DLG1: variants seen among roughly 807,000 people sequenced by gnomAD.
DLG1 encodes discs large MAGUK scaffold protein 1, also known as disks large homolog 1.
A neutral mutation model predicts 123.4 loss-of-function variants in DLG1; 42 were observed. That is an observed-to-expected ratio of 0.34 (90% CI 0.27 to 0.44). DLG1 has a LOEUF of 0.44. Ranked by LOEUF, DLG1 falls within the 20% of genes least tolerant of loss-of-function variation. The pLI, the probability that DLG1 is intolerant of heterozygous loss-of-function variation, is 1.00. For synonymous variants in DLG1, 317 were observed against 356.2 expected (o/e 0.89, Z 1.24); for missense variants, 942 against 1,082.6 (o/e 0.87, Z 1.82).
At position 197,208,197 on chromosome 3, in the gene DLG1, C is replaced by A. The variant is rs1308379125; in HGVS notation, c.319-13608G>T. ...AGAGGATAAATGTAAATTAAAGCTA[C>A]GCTGATATACTACTTCTCACATTAT... On this transcript the variant is annotated intron_variant, in intron 4 of 24. Coordinates refer to ENST00000667157, the MANE Select transcript of DLG1 (RefSeq NM_001366207.1). Among the ~76,000 whole-genome samples, 6 of 146,322 alleles carry A rather than the reference C, an allele frequency of 4.1e-5. 1 individual carries two copies. The highest frequency in any genetic ancestry group is 1.4e-4 in the Admixed American group (2 of 14,592).
chr3:197,181,380 C>T (rs1335846285), intron 5 of DLG1, among the ~76,000 whole-genome samples: 3 of 152,092 alleles, frequency 2.0e-5, no homozygotes, highest in Non-Finnish European at 4.4e-5. Flanking sequence ...ATTTACCAAT[C>T]GCAGTACAAA....
chr3:197,233,453 CTCAGCTCACTGCAACCT>C (rs1189565985), intron 4 of DLG1, among the ~76,000 whole-genome samples: 1 of 152,204 alleles, frequency 6.6e-6, no homozygotes, highest in African/African-American at 2.4e-5. Flanking sequence ...GTGGTGGGAT[CTCAGCTCACTGCAACCT>C]CCACGTCGCA....
chr3:197,192,110 G>C (rs947299661), intron 5 of DLG1, among the ~76,000 whole-genome samples: 1 of 151,472 alleles, frequency 6.6e-6, no homozygotes, highest in African/African-American at 2.4e-5. Flanking sequence ...GGAGTTTGGG[G>C]CTGCAGTAAG....
At chr3:197,054,116 C>T (rs1012473765) in intron 23 of DLG1, among the ~76,000 whole-genome samples, 3 of 152,044 alleles carry the variant, frequency 2.0e-5, no homozygotes, top group African/African-American at 7.2e-5. Flanking sequence ...CAAACAAAAA[C>T]AGTGACTGAT....
chr3:197,081,981 C>T (rs1751418073), intron 16 of DLG1, among the ~76,000 whole-genome samples: 1 of 152,180 alleles, frequency 6.6e-6, no homozygotes, highest in African/African-American at 2.4e-5. Context: ...AAAAGCCTAC[C>T]AAAACAAGAC....
chr3:197,168,938 G>GGTATTTTGTACATT (rs1477669927), intron 5 of DLG1, among the ~76,000 whole-genome samples: 1 of 152,078 alleles, frequency 6.6e-6, no homozygotes, highest in Admixed American at 6.5e-5. Flanking sequence ...CTACAAAATT[G>GGTATTTTGTACATT]GATATATTGT....
chr3:197,078,129 T>C (rs993915464), intron 17 of DLG1, among the ~76,000 whole-genome samples: 2 of 124,142 alleles, frequency 1.6e-5, no homozygotes, highest in Non-Finnish European at 3.3e-5. Context: ...CTAGGCAACA[T>C]GGCGAAACCC....
intron 14 of DLG1, among the ~76,000 whole-genome samples, chr3:197,096,733 C>T (rs1206924115): frequency 6.6e-6 from 1 of 152,014 alleles, no homozygotes; most frequent in African/African-American, 2.4e-5. Flanking sequence ...TGATGTTGTT[C>T]TTCGACATAC....
intron 18 of DLG1, among the ~76,000 whole-genome samples, chr3:197,076,150 T>C (rs1246221696): frequency 6.6e-6 from 1 of 152,262 alleles, no homozygotes; most frequent in East Asian, 1.9e-4. Flanking sequence ...AAATCCAGAT[T>C]GTCTACATAT....
intron 11 of DLG1, 128 bp from the exon 12 acceptor site, chr3:197,119,658 C>T: frequency 1.0e-6 from 1 of 960,338 alleles, no homozygotes; most frequent in Non-Finnish European, 1.4e-6. Context: ...AGAAGATTTA[C>T]TCATCAGCCA....
intron 4 of DLG1, among the ~76,000 whole-genome samples, chr3:197,198,122 T>TCAAAACAAAA (rs527404506): frequency 3.0e-5 from 4 of 132,532 alleles, no homozygotes; most frequent in African/African-American, 1.1e-4. Context: ...ATTGGACTCA[T>TCAAAACAAAA]CAAAACAAAA....
Position 197,145,690 on chromosome 3 carries a change from A to C in DLG1, c.538-2922T>G, listed in dbSNP as rs532546365. 1.9e-3 allele frequency among the ~76,000 whole-genome samples: 295 copies of C among 152,248 alleles called. 1 individual carries two copies. In the Middle Eastern group the frequency reaches 0.02, roughly 11 times the overall value. ...TTTTTCACCTTTAAGTTTCCTCACAAGGTAGGTGCTCAGTAAATATTCCTG... is the reference window on the plus strand; with the variant it reads ...TTTTTCACCTTTAAGTTTCCTCACACGGTAGGTGCTCAGTAAATATTCCTG... On this transcript the variant is annotated intron_variant, in intron 6 of 24. Transcript: ENST00000667157.
chr3:197,088,676 A>C (rs1755857941), intron 15 of DLG1, among the ~76,000 whole-genome samples: 1 of 152,246 alleles, frequency 6.6e-6, no homozygotes, highest in African/African-American at 2.4e-5. Flanking sequence ...TGGAGCATAA[A>C]GATAGAAAAA....
chr3:197,215,192 G>GT (rs1339414532), intron 4 of DLG1, among the ~76,000 whole-genome samples: 1 of 152,094 alleles, frequency 6.6e-6, no homozygotes, highest in African/African-American at 2.4e-5. Context: ...AAGATAATGC[G>GT]TAATGGCACA....
chr3:197,101,829 T>C (rs930192129), intron 14 of DLG1, among the ~76,000 whole-genome samples: 3 of 152,306 alleles, frequency 2.0e-5, no homozygotes, highest in Admixed American at 6.5e-5. Context: ...TCTCACTCTG[T>C]CGCCCAGGCT....
intron 4 of DLG1, among the ~76,000 whole-genome samples, chr3:197,254,602 T>C (rs1361968376): frequency 3.3e-5 from 5 of 152,174 alleles, no homozygotes; most frequent in African/African-American, 1.2e-4. Flanking sequence ...AGAACTATTA[T>C]AGCAGAAAAG....
At chr3:197,163,252 C>T (rs1038592370) in intron 5 of DLG1, among the ~76,000 whole-genome samples, 1 of 152,130 alleles carries the variant, frequency 6.6e-6, no homozygotes, top group Non-Finnish European at 1.5e-5. Flanking sequence ...TGGTACAATG[C>T]TGGTGGGAAA....
At chr3:197,251,082 A>G (rs1754214013) in intron 4 of DLG1, among the ~76,000 whole-genome samples, 1 of 151,804 alleles carries the variant, frequency 6.6e-6, no homozygotes, top group African/African-American at 2.4e-5. Context: ...ACAATACTAA[A>G]CAAAGTAATC....
chr3:197,140,856 C>T (rs1051863258), intron 7 of DLG1, among the ~76,000 whole-genome samples: 1 of 152,206 alleles, frequency 6.6e-6, no homozygotes, highest in African/African-American at 2.4e-5. Context: ...TTGTTTCACA[C>T]TGACTGAAAG....
Sources: allele counts gnomAD v4.1 joint callset (sites outside exome capture counted in the v4.1 genomes callset), GRCh38; gene constraint gnomAD v4.1.1; transcripts MANE v1.5; gene names NCBI Gene and HGNC (gene_info 2026-07-23, HGNC 2026-07-21).